The following DRC5 variants were observed in gnomAD, a reference collection of about 807,000 sequenced individuals.
DRC5 encodes the protein T-complex-associated testis-expressed protein 1.
chr6:44,282,504 C>T, the DRC5 span: 143 of 1,606,542 alleles, frequency 8.9e-5, no homozygotes, highest in South Asian at 2.0e-4. Flanking sequence ...CAGAAGGCTT[C>T]GAATTATGAT....
At chr6:44,280,050 C>T in the DRC5 span, 1 of 835,368 alleles carries the variant, frequency 1.2e-6, no homozygotes, top group Admixed American at 2.4e-5. Context: ...TCCATACAAC[C>T]CTTGATCACT....
chr6:44,281,687 A>G, the DRC5 span, among the ~76,000 whole-genome samples: 2 of 152,198 alleles, frequency 1.3e-5, no homozygotes, highest in Admixed American at 6.5e-5. Flanking sequence ...GCCTGGTCGT[A>G]AATTGCATTT....
the DRC5 span, among the ~76,000 whole-genome samples, chr6:44,281,440 A>G: frequency 6.6e-6 from 1 of 152,180 alleles, no homozygotes; most frequent in South Asian, 2.1e-4. Flanking sequence ...GCTGGAGTGC[A>G]GGGGCACGAT....
At chr6:44,295,052 G>A in the DRC5 span, among the ~76,000 whole-genome samples, 41 of 152,310 alleles carry the variant, frequency 2.7e-4, no homozygotes, top group Non-Finnish European at 5.4e-4. Flanking sequence ...ACCCACAGAG[G>A]GCAGTCCTGG....
At chr6:44,281,408 G>A in the DRC5 span, among the ~76,000 whole-genome samples, 3 of 151,402 alleles carry the variant, frequency 2.0e-5, no homozygotes, top group Non-Finnish European at 2.9e-5. Context: ...TTTTTGAGAC[G>A]GAGTCTCGCA....
chr6:44,294,059 C>T, the DRC5 span, among the ~76,000 whole-genome samples: 22 of 152,142 alleles, frequency 1.4e-4, no homozygotes, highest in Admixed American at 6.5e-5. Flanking sequence ...CTCAGCTCAC[C>T]GCAACCTCTG....
the DRC5 span, chr6:44,287,984 G>C: frequency 2.3e-6 from 2 of 881,426 alleles, no homozygotes; most frequent in Non-Finnish European, 1.7e-6. Context: ...TACTAAGAGA[G>C]GTGGTACAGA....
the DRC5 span, among the ~76,000 whole-genome samples, chr6:44,284,479 T>C: frequency 6.6e-6 from 1 of 152,034 alleles, no homozygotes; most frequent in African/African-American, 2.4e-5. Context: ...ATTCCCACAT[T>C]CAATTCAGAC....
chr6:44,286,747 C>T, the DRC5 span, among the ~76,000 whole-genome samples: 1 of 152,204 alleles, frequency 6.6e-6, no homozygotes, highest in Admixed American at 6.5e-5. Context: ...GACATCTCAG[C>T]ATCTGTTCTC....
the DRC5 span, among the ~76,000 whole-genome samples, chr6:44,280,687 G>C: frequency 6.6e-6 from 1 of 152,232 alleles, no homozygotes; most frequent in Admixed American, 6.5e-5. Context: ...TGAGATGTGA[G>C]GGGGAAGCTG....
the DRC5 span, among the ~76,000 whole-genome samples, chr6:44,290,166 CAG>C: frequency 6.6e-6 from 1 of 152,190 alleles, no homozygotes; most frequent in African/African-American, 2.4e-5. Flanking sequence ...AATGGCATCT[CAG>C]AGTGTAGGGC....
the DRC5 span, among the ~76,000 whole-genome samples, chr6:44,297,447 G>A: frequency 2.0e-5 from 3 of 152,192 alleles, no homozygotes; most frequent in African/African-American, 4.8e-5. Context: ...GAGGAGGCGC[G>A]GGGCGTCCTC....
chr6:44,282,702 T>C, the DRC5 span: 8 of 636,700 alleles, frequency 1.3e-5, no homozygotes, highest in Non-Finnish European at 2.2e-5. Flanking sequence ...CATGGCAGAG[T>C]AGTGTAGAAT....
At chr6:44,290,665 T>C in the DRC5 span, among the ~76,000 whole-genome samples, 1 of 152,160 alleles carries the variant, frequency 6.6e-6, no homozygotes, top group African/African-American at 2.4e-5. Flanking sequence ...CATTCTATAA[T>C]TTCCCTTGGT....
the DRC5 span, among the ~76,000 whole-genome samples, chr6:44,290,026 CG>C: frequency 6.6e-6 from 1 of 152,164 alleles, no homozygotes; most frequent in African/African-American, 2.4e-5. Context: ...GGTTGAGAGG[CG>C]GGTGGCAGGG....
chr6:44,281,974 T>C, the DRC5 span: 21,982 of 829,466 alleles, frequency 0.027, 399 homozygotes, highest in Middle Eastern at 0.11. Context: ...AAAATAATCA[T>C]TGGGATACAC....
chr6:44,281,803 C>T, the DRC5 span, among the ~76,000 whole-genome samples: 1 of 152,252 alleles, frequency 6.6e-6, no homozygotes, highest in East Asian at 1.9e-4. Flanking sequence ...CCACTTGCTA[C>T]TGACTTGATG....
the DRC5 span, among the ~76,000 whole-genome samples, chr6:44,280,762 C>G: frequency 2.6e-5 from 4 of 152,304 alleles, no homozygotes; most frequent in South Asian, 8.3e-4. Context: ...AGCAGGTGTT[C>G]TCCCGGTTTC....
At chr6:44,286,425 TCTCA>T in the DRC5 span, 36 of 1,614,062 alleles carry the variant, frequency 2.2e-5, no homozygotes, top group Non-Finnish European at 2.8e-5. Flanking sequence ...AGCCAGTAGT[TCTCA>T]CTGTCTATCA....
Sources: allele counts gnomAD v4.1 joint callset (sites outside exome capture counted in the v4.1 genomes callset), GRCh38; gene constraint gnomAD v4.1.1; transcripts MANE v1.5; gene names NCBI Gene and HGNC (gene_info 2026-07-23, HGNC 2026-07-21).